The following COX4I1 variants were observed in gnomAD, a reference collection of about 807,000 sequenced individuals.
COX4I1 encodes cytochrome c oxidase subunit 4I1.
Under a neutral mutation model 21.7 loss-of-function variants are expected in COX4I1, and 18 were observed. The observed-to-expected ratio is 0.83, with a 90% CI of 0.57 to 1.23. COX4I1 has a LOEUF of 1.23. Among genes scored for constraint, COX4I1 ranks in the 50% most tolerant of loss-of-function variants. The pLI is 0.00. For synonymous variants in COX4I1, 100 were observed against 81.5 expected, an observed-to-expected ratio of 1.23 and a Z score of -1.23; for missense variants, 238 against 220.7, an observed-to-expected ratio of 1.08 and a Z score of -0.50.
At chr16:85,805,356 G>A in intron 3 of COX4I1, 1 of 530,234 alleles carries the variant, frequency 1.9e-6, no homozygotes, top group Non-Finnish European at 3.3e-6. Context: ...CAGCATATCT[G>A]CTGGGTAAGA....
chr16:85,801,429 C>T (rs1322942174), intron 2 of COX4I1, 151 bp downstream of exon 2: 1 of 574,722 alleles, frequency 1.7e-6, no homozygotes, highest in Non-Finnish European at 3.1e-6. Flanking sequence ...GGGCTTGGTT[C>T]TAGATTAAGA....
intron 1 of COX4I1, among the ~76,000 whole-genome samples, chr16:85,800,697 C>T (rs965573828): frequency 4.6e-5 from 7 of 152,130 alleles, no homozygotes; most frequent in Admixed American, 1.3e-4. Context: ...GGTCTCGGCT[C>T]ACTGCAGTCT....
At chr16:85,802,302 C>T (rs940430445) in intron 2 of COX4I1, among the ~76,000 whole-genome samples, 2 of 152,230 alleles carry the variant, frequency 1.3e-5, no homozygotes, top group Admixed American at 1.3e-4. Flanking sequence ...AGCTCCCTGT[C>T]ACCTCACCTT....
chr16:85,800,191 G>T (rs1287289664), intron 1 of COX4I1, among the ~76,000 whole-genome samples: 1 of 152,264 alleles, frequency 6.6e-6, no homozygotes, highest in Admixed American at 6.5e-5. Flanking sequence ...TCACGCAAGG[G>T]CTAGGCCCAA....
chr16:85,801,518 C>T (rs1293036417), intron 2 of COX4I1, among the ~76,000 whole-genome samples: 1 of 140,968 alleles, frequency 7.1e-6, no homozygotes, highest in Admixed American at 6.9e-5. Context: ...CCCTTCCGTT[C>T]CACTTTTTTA....
chr16:85,800,975 T>C (rs977802227), intron 1 of COX4I1, among the ~76,000 whole-genome samples: 26 of 152,154 alleles, frequency 1.7e-4, no homozygotes. Flanking sequence ...CTGAAGCGCG[T>C]ATATATTATG....
chr16:85,805,860 C>T lies in COX4I1; in HGVS notation c.369C>T (p.His123=), dbSNP rs1187138047. ...CGCTCGTTATCATGTGGCAGAAGCA[C>T]TATGGTGAGTAGAGAGGGAGGAAGG... ...FTALVIMWQK[H]YVYGPLPQSF... is the part of the protein sequence containing the mutation. Residue 123 remains histidine (H), a synonymous_variant, in exon 4 of 5, where the codon CAC becomes CAT. Transcript: ENST00000253452. 1 of 1,614,194 alleles carries T rather than the reference C, an allele frequency of 6.2e-7. No homozygotes were observed. Among genetic ancestry groups the T allele is most frequent in the Non-Finnish European group, 8.5e-7 (1 of 1,180,044 alleles).
chr16:85,806,268 G>A (rs533486232), intron 4 of COX4I1: 2 of 596,996 alleles, frequency 3.4e-6, no homozygotes, highest in Non-Finnish European at 5.9e-6. Flanking sequence ...CAGCATCTGG[G>A]GGTCCCGACC....
intron 2 of COX4I1, among the ~76,000 whole-genome samples, chr16:85,802,205 G>A (rs1319892117): frequency 6.6e-6 from 1 of 152,204 alleles, no homozygotes; most frequent in African/African-American, 2.4e-5. Flanking sequence ...AGAGCCCCGA[G>A]TTGTGGGTGG....
rs749233847 is a variant in COX4I1 at position 85,801,252 on chromosome 16, C to T, written c.47C>T (p.Ser16Phe). ...AGCCTAGTTGGCAAGCGAGCAATTTCCACCTCTGTGTGTGTACGAGCTCAT... is the reference window on the plus strand; with the variant it reads ...AGCCTAGTTGGCAAGCGAGCAATTTTCACCTCTGTGTGTGTACGAGCTCAT... ...VFSLVGKRAI[S>F]TSVCVRAHES... The change falls in exon 2 of 5, where the codon TCC becomes TTC. Residue 16 changes from serine (S) to phenylalanine (F), a missense_variant. By Grantham distance (155) the Ser-to-Phe change is radical. Transcript: ENST00000253452. 1.2e-6 allele frequency: 2 copies of T among 1,611,072 alleles called. No homozygotes were observed. Among genetic ancestry groups the T allele is most frequent in the South Asian group, 1.1e-5 (1 of 90,958 alleles).
chr16:85,805,188 ACTGTCTAGAG>A, intron 3 of COX4I1, 84 bp downstream of exon 3: 1 of 1,282,230 alleles, frequency 7.8e-7, no homozygotes, highest in Non-Finnish European at 1.0e-6. Flanking sequence ...TTCTGGGCCT[ACTGTCTAGAG>A]GCAGTCTTGC....
At position 85,799,970 on chromosome 16, in the gene COX4I1, C is replaced by G. The variant is rs1172275645; in HGVS notation, c.-2+218C>G. On this transcript the variant is annotated intron_variant, in intron 1 of 4. Coordinates refer to ENST00000253452, the MANE Select transcript of COX4I1 (RefSeq NM_001861.6). The surrounding 1 kb of genome is among the most constrained non-coding windows in gnomAD (Gnocchi z 4.2). ...CCCCGAAGTGCCCGGTCCATCTTAC[C>G]CGGTCTCGCAGCGGCTGCGGACCGG... The G allele has an allele frequency of 6.6e-6, 1 of 152,212 alleles. No homozygotes were observed. The highest frequency in any genetic ancestry group is 6.5e-5 in the Admixed American group (1 of 15,282). 9.4% of individuals were successfully genotyped at this position (152,212 alleles called of 1,614,324 possible). A position where few individuals can be genotyped will look rare whatever the true frequency, so the allele number is the denominator to read the frequency against.
chr16:85,801,621 A>G (rs922711167), intron 2 of COX4I1, among the ~76,000 whole-genome samples: 2 of 151,970 alleles, frequency 1.3e-5, no homozygotes, highest in African/African-American at 4.8e-5. Flanking sequence ...ACAACTCCCA[A>G]CCATTTGCAT....
intron 1 of COX4I1, 94 bp from the exon 2 acceptor site, chr16:85,801,111 C>A: frequency 9.5e-7 from 1 of 1,056,792 alleles, no homozygotes; most frequent in Non-Finnish European, 1.4e-6. Context: ...GAGAAGCAAA[C>A]AAAAAAATTC....
At position 85,805,266 on chromosome 16, in the gene COX4I1, G is replaced by GCT. The variant is rs911955568; in HGVS notation, c.241+164_241+165dup. On this transcript the variant is annotated intron_variant, in intron 3 of 4. Transcript: ENST00000253452. ...ACTGTGCCAGGGCCCCAGTTTATGT[G>GCT]CTCACCAGTCACTTAGCTCTGCCAG... is the stretch of plus-strand genomic sequence containing the variant. The GCT allele has an allele frequency of 1.2e-5, 8 of 663,686 alleles. No individual in the cohort carries two copies. The African/African-American group carries it at 1.3e-4, about 11-fold the overall frequency. The allele number at this position is 663,686 out of a possible 1,614,324, so 41.1% of individuals were successfully genotyped here. A position where few individuals can be genotyped will look rare whatever the true frequency, so the allele number is the denominator to read the frequency against.
At chr16:85,804,210 C>G (rs927419226) in intron 2 of COX4I1, 26 of 107,954 alleles carry the variant, frequency 2.4e-4, no homozygotes, top group African/African-American at 8.4e-4. Flanking sequence ...GTCTTTGTTT[C>G]TGAACTTGAA....
At position 85,805,065 on chromosome 16, in the gene COX4I1, G is replaced by A. The variant is rs778220898; in HGVS notation, c.202G>A (p.Ala68Thr). 4 of 1,613,328 alleles carry A rather than the reference G, an allele frequency of 2.5e-6. No homozygotes were observed. The highest frequency in any genetic ancestry group is 3.4e-6 in the Non-Finnish European group (4 of 1,179,554). ...GAAGGCATTGAAGGAGAAGGAGAAG[G>A]CCTCCTGGAGCAGCCTCTCCATGGA... ...SQKALKEKEK[A>T]SWSSLSMDEK... Residue 68 changes from alanine (A) to threonine (T), a missense_variant, in exon 3 of 5, where the codon GCC becomes ACC. Transcript: ENST00000253452.
At chr16:85,804,000 A>G (rs2733960) in intron 2 of COX4I1, 152,366 of 152,418 alleles carry the variant, frequency 1, 76,157 homozygotes, top group Non-Finnish European at 1. Flanking sequence ...GAAGTGTGCC[A>G]CTAGGCAGGA....
intron 2 of COX4I1, 64 bp from the exon 3 acceptor site, chr16:85,804,873 T>A: frequency 6.8e-7 from 1 of 1,463,508 alleles, no homozygotes; most frequent in Middle Eastern, 2.4e-4. Flanking sequence ...TTTTCAGAAG[T>A]ATCACCTTGG....
Sources: allele counts gnomAD v4.1 joint callset (sites outside exome capture counted in the v4.1 genomes callset), GRCh38; gene constraint gnomAD v4.1.1; non-coding constraint Gnocchi (gnomAD v3.1); transcripts MANE v1.5; gene names NCBI Gene and HGNC (gene_info 2026-07-23, HGNC 2026-07-21).